Variants in YAP1 observed in about 807,000 individuals in gnomAD.
The protein encoded by YAP1 is Yes1 associated transcriptional regulator, also known as transcriptional coactivator YAP1.
A neutral mutation model predicts 56.9 loss-of-function variants in YAP1; 5 were observed. The observed-to-expected ratio is 0.09, with a 90% confidence interval of 0.05 to 0.18. The LOEUF is 0.18. Ranked by LOEUF, YAP1 falls within the 10% of genes least tolerant of loss-of-function variation. YAP1 has a pLI of 1.00. For missense variants in YAP1, 539 were observed against 651.8 expected, an observed-to-expected ratio of 0.83 and a Z score of 1.88; for synonymous variants, 265 against 248.1, an observed-to-expected ratio of 1.07 and a Z score of -0.64.
chr11:102,183,892 T>C (rs12800783), intron 3 of YAP1, among the ~76,000 whole-genome samples: 62,739 of 150,354 alleles, frequency 0.42, 13,784 homozygotes, highest in African/African-American at 0.57. Context: ...CCGGCTAAAA[T>C]GGTGAAACCC....
chr11:102,122,880 G>A (rs1455119567), intron 2 of YAP1, among the ~76,000 whole-genome samples: 5 of 106,106 alleles, frequency 4.7e-5, no homozygotes, highest in African/African-American at 1.9e-4. Context: ...TGGGGGACAA[G>A]AGCGAGACTT....
At chr11:102,142,870 T>C (rs1945098967) in intron 2 of YAP1, among the ~76,000 whole-genome samples, 2 of 152,348 alleles carry the variant, frequency 1.3e-5, no homozygotes, top group South Asian at 4.1e-4. Flanking sequence ...AACTTCGTTT[T>C]GAGCATATAA....
At chr11:102,187,126 A>G (rs1016217982) in intron 4 of YAP1, among the ~76,000 whole-genome samples, 3 of 152,104 alleles carry the variant, frequency 2.0e-5, no homozygotes, top group African/African-American at 4.8e-5. Context: ...CTGCGGGGGG[A>G]AAAAAGAAAA....
rs1430497700 is a variant in YAP1, at chr11:102,135,451, T to TG, written c.572+21058dup. 2.6e-5 allele frequency among the ~76,000 whole-genome samples: 4 copies of TG among 152,354 alleles called. No homozygotes were observed. The East Asian group carries it at 7.7e-4, about 29-fold the overall frequency. On this transcript the variant is annotated intron_variant, in intron 2 of 8. Transcript: ENST00000282441. ...CAAAGATAGCTTCACTCATAGGTCTTGCTTGCACTTTGATGTGGATGGCTG... is the reference window on the plus strand; with the variant it reads ...CAAAGATAGCTTCACTCATAGGTCTTGGCTTGCACTTTGATGTGGATGGCTG...
At chr11:102,170,742 G>C (rs1303266038) in intron 3 of YAP1, among the ~76,000 whole-genome samples, 1 of 152,064 alleles carries the variant, frequency 6.6e-6, no homozygotes, top group East Asian at 1.9e-4. Flanking sequence ...GCCGAGGTGG[G>C]CACATCACCT....
rs774377095 is a variant in YAP1, at chr11:102,223,610, A to AT, written c.1033-7dup. 1.7e-5 allele frequency: 27 copies of AT among 1,609,578 alleles called. No individual in the cohort carries two copies. The African/African-American group carries it at 3.5e-4, about 21-fold the overall frequency. On this transcript the variant is annotated splice_polypyrimidine_tract_variant and intron_variant, in intron 6 of 8. Coordinates refer to ENST00000282441, the MANE Select transcript of YAP1 (RefSeq NM_001130145.3). ...CAGTAGATTGATTCTCTTTGGCTTT[A>AT]TTTTTAATTAGGAGTTAGCCCTGCG...
chr11:102,156,874 G>A (rs1490266695), intron 2 of YAP1, among the ~76,000 whole-genome samples: 1 of 152,156 alleles, frequency 6.6e-6, no homozygotes, highest in Non-Finnish European at 1.5e-5. Flanking sequence ...TCCCAGGGGA[G>A]ATGTATTATA....
At position 102,162,564 on chromosome 11, in the gene YAP1, G is replaced by T; in HGVS notation, c.681G>T (p.Ser227=). 1 of 1,614,014 alleles carries T rather than the reference G, an allele frequency of 6.2e-7. No individual in the cohort carries two copies. Among genetic ancestry groups the T allele is most frequent in the South Asian group, 1.1e-5 (1 of 91,070 alleles). ...SPPVQQNMMN[S]ASGPLPDGWE... is the part of the protein sequence containing the mutation. Reference sequence around the variant, plus strand: ...CAGTGCAGCAGAATATGATGAACTCGGCTTCAGGTGAGTGAGACACTGTAA... The same window carrying T: ...CAGTGCAGCAGAATATGATGAACTCTGCTTCAGGTGAGTGAGACACTGTAA... Residue 227 remains serine (S), a synonymous_variant, in exon 3 of 9, where the codon TCG becomes TCT. Coordinates refer to ENST00000282441, the MANE Select transcript of YAP1 (RefSeq NM_001130145.3).
At chr11:102,188,024 G>A (rs796638006) in intron 4 of YAP1, among the ~76,000 whole-genome samples, 73 of 152,316 alleles carry the variant, frequency 4.8e-4, no homozygotes, top group African/African-American at 1.7e-3. Context: ...GTAACTGAAG[G>A]GGGGCAGGAA....
chr11:102,199,422 G>C (rs1411929421), intron 4 of YAP1, among the ~76,000 whole-genome samples: 3 of 150,806 alleles, frequency 2.0e-5, no homozygotes, highest in Non-Finnish European at 4.5e-5. Context: ...AAAATTGTTG[G>C]CTTTTTTCGT....
At chr11:102,111,868 G>A (rs1337566378) in intron 1 of YAP1, among the ~76,000 whole-genome samples, 2 of 151,400 alleles carry the variant, frequency 1.3e-5, no homozygotes, top group Non-Finnish European at 2.9e-5. Flanking sequence ...TTTCCTCGCG[G>A]CTCAGGCGAT....
intron 2 of YAP1, among the ~76,000 whole-genome samples, chr11:102,136,774 C>T (rs1427870531): frequency 6.6e-6 from 1 of 152,124 alleles, no homozygotes; most frequent in Non-Finnish European, 1.5e-5. Context: ...GGACGATTTA[C>T]TGAAAAGTTC....
intron 2 of YAP1, among the ~76,000 whole-genome samples, chr11:102,116,254 C>G (rs1006595145): frequency 5.3e-5 from 8 of 152,088 alleles, no homozygotes; most frequent in Admixed American, 5.2e-4. Flanking sequence ...ACTATTTAGC[C>G]TTTACGTTGT....
chr11:102,142,331 A>G (rs1310181309), intron 2 of YAP1, among the ~76,000 whole-genome samples: 1 of 152,238 alleles, frequency 6.6e-6, no homozygotes, highest in Admixed American at 6.5e-5. Flanking sequence ...AAGAATGCAA[A>G]GTAATTTTAA....
chr11:102,160,865 C>T (rs985418845), intron 2 of YAP1, among the ~76,000 whole-genome samples: 2 of 152,136 alleles, frequency 1.3e-5, no homozygotes, highest in African/African-American at 2.4e-5. Flanking sequence ...TGCACATCTT[C>T]AGCTACTCTG....
Position 102,110,887 on chromosome 11 carries a change from C to A in YAP1, c.39C>A (p.Pro13=), listed in dbSNP as rs776906339. The stretch of plus-strand genomic sequence containing the variant: ...AGCAGCCGCCGCCTCAACCGGCCCC[C>A]CAGGGCCAAGGGCAGCCGCCTTCGC... ...PGQQPPPQPA[P]QGQGQPPSQP... is the part of the protein sequence containing the mutation. The change falls in exon 1 of 9, where the codon CCC becomes CCA. Residue 13 remains proline (P), a synonymous_variant. Coordinates refer to ENST00000282441, the MANE Select transcript of YAP1 (RefSeq NM_001130145.3). 6 of 1,432,530 alleles carry A rather than the reference C, an allele frequency of 4.2e-6. No individual in the cohort carries two copies. In the East Asian group the frequency reaches 1.6e-4, roughly 38 times the overall value. The allele number at this position is 1,432,530 out of a possible 1,614,324, so 88.7% of individuals were successfully genotyped here.
chr11:102,175,319 G>C (rs773765718), intron 3 of YAP1, among the ~76,000 whole-genome samples: 1 of 152,126 alleles, frequency 6.6e-6, no homozygotes, highest in African/African-American at 2.4e-5. Flanking sequence ...AGAATTGCTT[G>C]AACCTGGGAG....
chr11:102,112,345 G>C (rs1591092109), intron 1 of YAP1: 1 of 926,418 alleles, frequency 1.1e-6, no homozygotes, highest in East Asian at 1.2e-4. Flanking sequence ...TGTTTATAAT[G>C]AGTGTTAACA....
At chr11:102,178,786 G>A (rs1412636316) in intron 3 of YAP1, among the ~76,000 whole-genome samples, 1 of 152,144 alleles carries the variant, frequency 6.6e-6, no homozygotes, top group African/African-American at 2.4e-5. Context: ...CTGAAACTGA[G>A]TAATTTATAA....
Sources: gnomAD v4.1 joint callset for allele counts (sites outside exome capture counted in the v4.1 genomes callset) on GRCh38, gnomAD v4.1.1 for gene constraint, MANE v1.5 for transcripts, NCBI Gene and HGNC (gene_info 2026-07-23, HGNC 2026-07-21) for gene names.